Variants in EYA3 observed in about 807,000 individuals in gnomAD.
EYA3 encodes the protein protein phosphatase EYA3.
EYA3 carries 39 observed loss-of-function variants against 80.0 expected under a neutral mutation model. The observed-to-expected ratio is 0.49, with a 90% CI of 0.38 to 0.64. The LOEUF is 0.64. Among genes scored for constraint, EYA3 ranks in the 30% least tolerant of loss-of-function variants. EYA3 has a pLI of 0.00. For synonymous variants in EYA3, 206 were observed against 232.8 expected (o/e 0.88, Z 1.05); for missense variants, 523 against 676.1 (o/e 0.77, Z 2.51).
intron 7 of EYA3, among the ~76,000 whole-genome samples, chr1:28,023,668 A>C (rs924401343): frequency 6.6e-6 from 1 of 152,212 alleles, no homozygotes; most frequent in African/African-American, 2.4e-5. Flanking sequence ...GAGAAACTAC[A>C]AAGTCTAGAA....
At chr1:28,011,984 C>T (rs1299707742) in intron 9 of EYA3, among the ~76,000 whole-genome samples, 1 of 151,990 alleles carries the variant, frequency 6.6e-6, no homozygotes, top group African/African-American at 2.4e-5. Context: ...TATGAGAAAG[C>T]TGGAAATACA....
chr1:28,055,311 T>A (rs1196266728), intron 2 of EYA3, among the ~76,000 whole-genome samples: 1 of 152,150 alleles, frequency 6.6e-6, no homozygotes, highest in Non-Finnish European at 1.5e-5. Flanking sequence ...GATCCCCTCA[T>A]CTGTGGATAA....
intron 2 of EYA3, among the ~76,000 whole-genome samples, chr1:28,049,114 A>C (rs572444710): frequency 2.0e-5 from 3 of 152,192 alleles, no homozygotes; most frequent in African/African-American, 4.8e-5. Flanking sequence ...CAAATTATGA[A>C]TATTTAAAAG....
At chr1:28,006,049 G>A (rs568800011) in intron 10 of EYA3, among the ~76,000 whole-genome samples, 2 of 151,948 alleles carry the variant, frequency 1.3e-5, no homozygotes, top group South Asian at 4.2e-4. Flanking sequence ...AGGTTGCAGT[G>A]AGCTGAGATT....
At chr1:28,014,609 T>G (rs1221134815) in intron 8 of EYA3, among the ~76,000 whole-genome samples, 1 of 151,456 alleles carries the variant, frequency 6.6e-6, no homozygotes, top group African/African-American at 2.4e-5. Context: ...GCACCTGTAG[T>G]CCCAGCTACT....
intron 7 of EYA3, among the ~76,000 whole-genome samples, chr1:28,025,381 T>C (rs1642713327): frequency 6.6e-6 from 1 of 152,218 alleles, no homozygotes; most frequent in Non-Finnish European, 1.5e-5. Flanking sequence ...TTGATATTGA[T>C]ACTATGACCT....
chr1:28,022,438 G>A (rs978935044), intron 7 of EYA3, among the ~76,000 whole-genome samples: 3 of 152,072 alleles, frequency 2.0e-5, no homozygotes, highest in Admixed American at 6.6e-5. Flanking sequence ...ATGAGCCACC[G>A]CGCCCGGCCT....
At chr1:28,039,203 CT>C (rs1177425558) in intron 4 of EYA3, among the ~76,000 whole-genome samples, 1 of 152,186 alleles carries the variant, frequency 6.6e-6, no homozygotes, top group African/African-American at 2.4e-5. Flanking sequence ...ACCTTCTAAG[CT>C]TTCGGCTATG....
rs1386318264 is a variant in EYA3, at chr1:28,050,193, A to ATTT, written c.34-1768_34-1767insAAA. Among the ~76,000 whole-genome samples, 3 of 87,166 alleles carry ATTT rather than the reference A, an allele frequency of 3.4e-5. 1 individual carries two copies. Among genetic ancestry groups the ATTT allele is most frequent in the Non-Finnish European group, 5.5e-5 (2 of 36,186 alleles). 57.2% of individuals were successfully genotyped at this position (87,166 alleles called of 152,430 possible). A position where few individuals can be genotyped will look rare whatever the true frequency, so the allele number is the denominator to read the frequency against. Reference sequence around the variant, plus strand: ...CTTTTTATTTATTATTATTATTATTATTATTATTATTTTTTTTGAGACAGG... The same window carrying ATTT: ...CTTTTTATTTATTATTATTATTATTATTTTTATTATTATTTTTTTTGAGACAGG... On this transcript the variant is annotated intron_variant, in intron 2 of 17. Coordinates refer to ENST00000373871, the MANE Select transcript of EYA3 (RefSeq NM_001990.4).
chr1:27,978,255 G>A (rs757750015), intron 17 of EYA3, 119 bp downstream of exon 17: 2 of 690,348 alleles, frequency 2.9e-6, no homozygotes, highest in Non-Finnish European at 4.7e-6. Flanking sequence ...AAAAATGGGA[G>A]AGGAAGAAAG....
chr1:28,033,754 G>C (rs1280175769), intron 6 of EYA3, among the ~76,000 whole-genome samples: 2 of 151,100 alleles, frequency 1.3e-5, no homozygotes, highest in Non-Finnish European at 2.9e-5. Context: ...TCCCAGGTTC[G>C]AGTGATTCTC....
intron 1 of EYA3, among the ~76,000 whole-genome samples, chr1:28,075,360 T>C (rs560903597): frequency 6.6e-6 from 1 of 152,352 alleles, no homozygotes; most frequent in East Asian, 1.9e-4. Context: ...AGCACTCAAG[T>C]TGTTCAACAA....
chr1:28,004,522 G>A (rs1641131923), intron 10 of EYA3, 103 bp from the exon 11 acceptor site: 3 of 768,420 alleles, frequency 3.9e-6, no homozygotes, highest in South Asian at 1.8e-5. Context: ...TAAATATGTA[G>A]GAATTAAACA....
Position 27,978,367 on chromosome 1 carries a change from T to C in EYA3, c.1641+7A>G. 1.2e-6 allele frequency: 2 copies of C among 1,609,394 alleles called. No homozygotes were observed. The highest frequency in any genetic ancestry group is 1.1e-5 in the South Asian group (1 of 90,940). On this transcript the variant is annotated splice_region_variant and intron_variant, in intron 17 of 17. Coordinates refer to ENST00000373871, the MANE Select transcript of EYA3 (RefSeq NM_001990.4). ...CCACATAGACTATTTTTCTTTACCATGGTTACCTGTTTGGCTGCAATTTCT... is the reference window on the plus strand; with the variant it reads ...CCACATAGACTATTTTTCTTTACCACGGTTACCTGTTTGGCTGCAATTTCT...
chr1:28,079,670 G>A lies in EYA3; in HGVS notation c.-69+8854C>T, dbSNP rs570735385. On this transcript the variant is annotated intron_variant, in intron 1 of 17. Transcript: ENST00000373871. ...GAAATGGTAAAGAACAGGGATGACA[G>A]TAATGGTAATCAGGGCAACAGGACC... Among the ~76,000 whole-genome samples the A allele has an allele frequency of 2.1e-3, 323 of 152,272 alleles. 1 individual carries two copies. Among genetic ancestry groups the A allele is most frequent in the Non-Finnish European group, 3.9e-3 (262 of 68,016 alleles).
chr1:27,990,175 G>T, intron 14 of EYA3: 1 of 159,778 alleles, frequency 6.3e-6, no homozygotes, highest in South Asian at 1.6e-4. Flanking sequence ...TGAAAAGCAT[G>T]ATGAGTGCAA....
intron 1 of EYA3, 51 bp from the exon 2 acceptor site, chr1:28,058,145 CATT>C (rs1644496878): frequency 6.0e-6 from 4 of 662,192 alleles, no homozygotes; most frequent in Non-Finnish European, 9.6e-6. Flanking sequence ...AAAGTATTAT[CATT>C]GAGGCCATCA....
rs1400641768 is a variant in EYA3, at chr1:27,997,430, AC to A, written c.1084-53del. The A allele has an allele frequency of 2.1e-6, 3 of 1,435,472 alleles. No homozygotes were observed. In the African/African-American group the frequency reaches 4.2e-5, roughly 20 times the overall value. 88.9% of individuals were successfully genotyped at this position (1,435,472 alleles called of 1,614,324 possible). On this transcript the variant is annotated intron_variant, in intron 12 of 17. Coordinates refer to ENST00000373871, the MANE Select transcript of EYA3 (RefSeq NM_001990.4). ...CAGTCCAGGGAGTAGAAGTGATATT[AC>A]CATCATGACATACTATAAAAAGACC...
At chr1:28,010,788 C>A in intron 10 of EYA3, 159 bp downstream of exon 10, 2 of 733,772 alleles carry the variant, frequency 2.7e-6, no homozygotes, top group Non-Finnish European at 4.3e-6. Flanking sequence ...GTTCTTTTTA[C>A]ATTTTTCTTT....
Sources: gnomAD v4.1 joint callset for allele counts (sites outside exome capture counted in the v4.1 genomes callset) on GRCh38, gnomAD v4.1.1 for gene constraint, MANE v1.5 for transcripts, NCBI Gene and HGNC (gene_info 2026-07-23, HGNC 2026-07-21) for gene names.